ANO4: variants seen among roughly 807,000 people sequenced by gnomAD.
ANO4 encodes anoctamin-4.
Under a neutral mutation model 141.9 loss-of-function variants are expected in ANO4, and 69 were observed. That is an observed-to-expected ratio of 0.49 (90% CI 0.40 to 0.59). ANO4 has a LOEUF of 0.59. ANO4 is among the 20% of genes least tolerant of loss of function. The probability of loss-of-function intolerance (pLI) is 0.00; values close to 1 mark genes in which losing one functional copy is unlikely to be tolerated. For synonymous variants in ANO4, 350 were observed against 394.3 expected (o/e 0.89, Z 1.33); for missense variants, 894 against 1,162.2 (o/e 0.77, Z 3.36).
intron 14 of ANO4, among the ~76,000 whole-genome samples, chr12:101,059,581 C>A (rs1230538812): frequency 6.6e-6 from 1 of 151,614 alleles, no homozygotes; most frequent in Non-Finnish European, 1.5e-5. Context: ...CTTCCTTCTT[C>A]TTTTTCTTCT....
chr12:100,775,060 C>T (rs2033449133), intron 3 of ANO4, among the ~76,000 whole-genome samples: 1 of 152,140 alleles, frequency 6.6e-6, no homozygotes, highest in Admixed American at 6.5e-5. Context: ...AGAGATACAC[C>T]ATTCAAAGCC....
chr12:100,814,984 T>C (rs2035650972), intron 1 of ANO4, among the ~76,000 whole-genome samples: 1 of 152,046 alleles, frequency 6.6e-6, no homozygotes, highest in Non-Finnish European at 1.5e-5. Context: ...GATTTTATCA[T>C]GGATCAGGTG....
At chr12:100,736,382 C>T (rs1370437590) in intron 2 of ANO4, among the ~76,000 whole-genome samples, 1 of 151,996 alleles carries the variant, frequency 6.6e-6, no homozygotes, top group Non-Finnish European at 1.5e-5. Flanking sequence ...TGATATTTTC[C>T]CCCATTTTAT....
rs10685175 is a variant in ANO4 at position 101,014,996 on chromosome 12, A to ATTTTTT, written c.735-5032_735-5027dup. 3.3e-3 allele frequency among the ~76,000 whole-genome samples: 474 copies of ATTTTTT among 143,586 alleles called. 4 individuals carry two copies. The highest frequency in any genetic ancestry group is 0.011 in the African/African-American group (445 of 39,318). The allele number at this position is 143,586 out of a possible 152,430, so 94.2% of individuals were successfully genotyped here. A position where few individuals can be genotyped will look rare whatever the true frequency, so the allele number is the denominator to read the frequency against. ...AGGTTCACACCACCACACCCAGCTA[A>ATTTTTT]TTTTTTTTTTTGTAGAGATGGGGTC... On this transcript the variant is annotated intron_variant, in intron 8 of 27. Transcript: ENST00000392977.
At position 100,829,760 on chromosome 12, in the gene ANO4, G is replaced by A. The variant is rs1333252342; in HGVS notation, c.-141+34733G>A. On this transcript the variant is annotated intron_variant, in intron 1 of 27. Transcript: ENST00000392977. ...AAAATCAGTTAAAATATAGTGAGCT[G>A]CACACAAAACCTTATATGAAATTCT... 2.0e-5 allele frequency among the ~76,000 whole-genome samples: 3 copies of A among 152,040 alleles called. No individual in the cohort carries two copies. The East Asian group carries it at 5.8e-4, about 29-fold the overall frequency.
At chr12:101,099,947 T>A (rs748514161) in intron 22 of ANO4, among the ~76,000 whole-genome samples, 28 of 152,216 alleles carry the variant, frequency 1.8e-4, no homozygotes, top group Non-Finnish European at 2.8e-4. Flanking sequence ...TCTAAGACCA[T>A]GGGCTTTGGA....
rs554402791 is a variant in ANO4, at chr12:100,827,542, A to G, written c.-141+32515A>G. On this transcript the variant is annotated intron_variant, in intron 1 of 27. Transcript: ENST00000392977. ...TTCTGTTTTGTCTACTGCTATGCCT[A>G]GAATAATGCCTGCATAGTAGGAGCT... Among the ~76,000 whole-genome samples the G allele has an allele frequency of 3.4e-4, 51 of 152,154 alleles. 1 individual carries two copies. The highest frequency in any genetic ancestry group is 1.2e-3 in the African/African-American group (48 of 41,548).
intron 8 of ANO4, among the ~76,000 whole-genome samples, chr12:100,988,191 T>C (rs2044811258): frequency 6.6e-6 from 1 of 152,168 alleles, no homozygotes; most frequent in Admixed American, 6.5e-5. Flanking sequence ...ATCTGTCAGA[T>C]TGTCTCAGAA....
At chr12:101,020,596 T>G (rs1000193920) in intron 9 of ANO4, among the ~76,000 whole-genome samples, 1 of 152,164 alleles carries the variant, frequency 6.6e-6, no homozygotes, top group Admixed American at 6.5e-5. Flanking sequence ...ACTGAGAAGC[T>G]GAAATTTGAA....
At chr12:101,018,888 T>C (rs1355445450) in intron 8 of ANO4, among the ~76,000 whole-genome samples, 1 of 152,210 alleles carries the variant, frequency 6.6e-6, no homozygotes, top group Non-Finnish European at 1.5e-5. Flanking sequence ...GGATTTTATC[T>C]GTTTTGTTTA....
intron 2 of ANO4, among the ~76,000 whole-genome samples, chr12:100,911,497 A>G (rs1251879298): frequency 6.6e-6 from 1 of 152,196 alleles, no homozygotes; most frequent in Non-Finnish European, 1.5e-5. Context: ...ATCGTCTTCA[A>G]AGTTTATTAT....
intron 8 of ANO4, among the ~76,000 whole-genome samples, chr12:100,992,775 A>T (rs550184181): frequency 6.6e-6 from 1 of 152,236 alleles, no homozygotes; most frequent in Non-Finnish European, 1.5e-5. Flanking sequence ...TTGGCACACA[A>T]TGCTGGTCTT....
intron 14 of ANO4, among the ~76,000 whole-genome samples, chr12:101,075,182 A>G (rs2048973285): frequency 6.6e-6 from 1 of 152,192 alleles, no homozygotes; most frequent in African/African-American, 2.4e-5. Context: ...AGGGAAAAAC[A>G]TTACTCGCTA....
chr12:100,957,499 G>A (rs896226106), intron 5 of ANO4, among the ~76,000 whole-genome samples: 2 of 152,192 alleles, frequency 1.3e-5, no homozygotes, highest in African/African-American at 4.8e-5. Flanking sequence ...CCAAACCATG[G>A]CCAGTGGGTT....
intron 1 of ANO4, among the ~76,000 whole-genome samples, chr12:100,887,734 A>G (rs752827719): frequency 1.1e-4 from 17 of 152,240 alleles, no homozygotes; most frequent in Non-Finnish European, 2.2e-4. Context: ...GAATAAGTCA[A>G]TAAATAATTG....
chr12:100,996,633 C>T (rs111608901), intron 8 of ANO4, among the ~76,000 whole-genome samples: 3 of 152,082 alleles, frequency 2.0e-5, no homozygotes, highest in South Asian at 2.1e-4. Context: ...TGCAGTGAGC[C>T]GAGATTGTGC....
At chr12:101,058,075 G>A (rs948429954) in intron 14 of ANO4, among the ~76,000 whole-genome samples, 8 of 152,076 alleles carry the variant, frequency 5.3e-5, no homozygotes, top group African/African-American at 1.9e-4. Flanking sequence ...TCAATTTTCT[G>A]CATATGGCTA....
At chr12:101,042,820 G>A (rs998138379) in intron 12 of ANO4, among the ~76,000 whole-genome samples, 2 of 151,944 alleles carry the variant, frequency 1.3e-5, no homozygotes, top group Admixed American at 6.6e-5. Context: ...TCTCTCTTAT[G>A]AATTCTGTGT....
intron 14 of ANO4, among the ~76,000 whole-genome samples, chr12:101,073,353 G>T (rs1041545687): frequency 6.6e-6 from 1 of 151,936 alleles, no homozygotes; most frequent in African/African-American, 2.4e-5. Context: ...GTTCTCACTC[G>T]TAAGTGGGTA....
Sources: gnomAD v4.1 joint callset for allele counts (sites outside exome capture counted in the v4.1 genomes callset) on GRCh38, gnomAD v4.1.1 for gene constraint, MANE v1.5 for transcripts, NCBI Gene and HGNC (gene_info 2026-07-23, HGNC 2026-07-21) for gene names.